RBMS1: variants seen among roughly 807,000 people sequenced by gnomAD.
RBMS1 encodes the protein RNA binding motif single stranded interacting protein 1, also known as RNA-binding motif, single-stranded-interacting protein 1.
In RBMS1, 17 loss-of-function variants were observed where a neutral mutation model predicts 62.3. The ratio of observed to expected loss-of-function variants is 0.27; its 90% CI spans 0.19 to 0.41. RBMS1 has a LOEUF of 0.41. RBMS1 is among the 10% of genes least tolerant of loss of function. RBMS1 has a pLI of 1.00. For missense variants in RBMS1, 334 were observed against 504.5 expected, an observed-to-expected ratio of 0.66 and a Z score of 3.24; for synonymous variants, 172 against 170.0, an observed-to-expected ratio of 1.01 and a Z score of -0.09.
intron 1 of RBMS1, among the ~76,000 whole-genome samples, chr2:160,420,344 C>T (rs1428925082): frequency 2.0e-5 from 3 of 152,194 alleles, no homozygotes; most frequent in Non-Finnish European, 4.4e-5. Flanking sequence ...AGCCAAACCA[C>T]ACTCATCCCT....
intron 6 of RBMS1, among the ~76,000 whole-genome samples, chr2:160,287,786 C>T (rs1021090935): frequency 2.6e-5 from 4 of 152,058 alleles, no homozygotes; most frequent in Non-Finnish European, 4.4e-5. Context: ...GTGAAGATGG[C>T]TGTTGTGAGA....
At chr2:160,350,190 G>C (rs911156317) in intron 2 of RBMS1, among the ~76,000 whole-genome samples, 3 of 151,922 alleles carry the variant, frequency 2.0e-5, no homozygotes, top group Non-Finnish European at 2.9e-5. Flanking sequence ...GTGTCAGTGT[G>C]GCAGCAGCAC....
chr2:160,455,099 A>C (rs1684163508), intron 1 of RBMS1, among the ~76,000 whole-genome samples: 1 of 152,178 alleles, frequency 6.6e-6, no homozygotes, highest in Non-Finnish European at 1.5e-5. Flanking sequence ...CATGCCATTA[A>C]ATGTTTAATC....
At chr2:160,377,160 T>C (rs934262225) in intron 1 of RBMS1, among the ~76,000 whole-genome samples, 3 of 152,170 alleles carry the variant, frequency 2.0e-5, no homozygotes, top group Admixed American at 2.0e-4. Context: ...CTCCATCCTA[T>C]ATACATAAAT....
At chr2:160,386,467 C>T (rs182410003) in intron 1 of RBMS1, among the ~76,000 whole-genome samples, 2 of 151,032 alleles carry the variant, frequency 1.3e-5, no homozygotes, top group African/African-American at 4.9e-5. Context: ...ACCCAGGAGG[C>T]GGAGGTTGCA....
intron 1 of RBMS1, among the ~76,000 whole-genome samples, chr2:160,454,655 A>G (rs1222534694): frequency 1.3e-5 from 2 of 152,200 alleles, no homozygotes; most frequent in Non-Finnish European, 2.9e-5. Context: ...CCTGGAACCC[A>G]GTGAAGAAGA....
chr2:160,478,299 C>A (rs1020098318), intron 1 of RBMS1, among the ~76,000 whole-genome samples: 1 of 152,180 alleles, frequency 6.6e-6, no homozygotes, highest in Non-Finnish European at 1.5e-5. Flanking sequence ...TTGAACCAAC[C>A]ACGGTGAAGG....
chr2:160,276,243 T>C (rs1687825182), intron 12 of RBMS1, among the ~76,000 whole-genome samples: 2 of 152,198 alleles, frequency 1.3e-5, no homozygotes, highest in Non-Finnish European at 2.9e-5. Flanking sequence ...ATTTTTATTT[T>C]CAGATTTCTT....
At chr2:160,345,414 G>A (rs537092095) in intron 2 of RBMS1, among the ~76,000 whole-genome samples, 10 of 151,832 alleles carry the variant, frequency 6.6e-5, no homozygotes, top group South Asian at 2.1e-4. Context: ...ACCTGAAACC[G>A]CCCACACCTG....
chr2:160,311,209 A>AAATCTATCTATCTATCTATCT (rs1553505365), intron 4 of RBMS1, among the ~76,000 whole-genome samples: 2 of 57,732 alleles, frequency 3.5e-5, no homozygotes, highest in Non-Finnish European at 7.8e-5. Context: ...AAAAAAAAAA[A>AAATCTATCTATCTATCTATCT]ATCTATCTAT....
chr2:160,346,539 T>C (rs960575517), intron 2 of RBMS1, among the ~76,000 whole-genome samples: 1 of 152,184 alleles, frequency 6.6e-6, no homozygotes, highest in Non-Finnish European at 1.5e-5. Flanking sequence ...TGAGTTCTCA[T>C]GTTGTAAAAC....
At chr2:160,336,056 T>C (rs994367733) in intron 2 of RBMS1, among the ~76,000 whole-genome samples, 4 of 152,160 alleles carry the variant, frequency 2.6e-5, no homozygotes, top group Non-Finnish European at 5.9e-5. Context: ...TTTAGGTGTG[T>C]TCCCTTTTCT....
chr2:160,277,311 G>C lies in RBMS1; in HGVS notation c.1135C>G (p.Pro379Ala), dbSNP rs770631869. ...GGATGGTCTCTACCAACCTCAACAG[G>C]AACCGCTGTCGTCTGCATATGTGCA... ...QYAHMQTTAV[P>A]VEEASGQQQV... is the part of the protein sequence containing the mutation. The change falls in exon 12 of 14, where the codon CCT (proline) becomes GCT (alanine). Residue 379 changes from proline to alanine, a missense_variant. Around this residue, in one of 3 missense-constraint regions of RBMS1, gnomAD observed 182 missense variants for 257.7 expected, o/e 0.71. Transcript: ENST00000348849. 6.2e-7 allele frequency: 1 copy of C among 1,610,976 alleles called. No homozygotes were observed. Among genetic ancestry groups the C allele is most frequent in the East Asian group, 2.2e-5 (1 of 44,820 alleles).
chr2:160,329,430 C>A (rs368250155), intron 2 of RBMS1, among the ~76,000 whole-genome samples: 1 of 152,056 alleles, frequency 6.6e-6, no homozygotes, highest in Non-Finnish European at 1.5e-5. Flanking sequence ...CATAGCCCCC[C>A]GTATTGATTT....
intron 1 of RBMS1, among the ~76,000 whole-genome samples, chr2:160,453,369 T>C (rs1684078053): frequency 6.6e-6 from 1 of 152,164 alleles, no homozygotes; most frequent in African/African-American, 2.4e-5. Flanking sequence ...ATCCTTACCA[T>C]CGTAAAAGCA....
chr2:160,311,370 C>T (rs1220840486), intron 4 of RBMS1, among the ~76,000 whole-genome samples: 1 of 151,372 alleles, frequency 6.6e-6, no homozygotes, highest in Non-Finnish European at 1.5e-5. Context: ...AAAGGTGATT[C>T]CTCTTACTAA....
chr2:160,443,211 C>CAAAAAAAAAAAAAAAA (rs67505228), intron 1 of RBMS1, among the ~76,000 whole-genome samples: 1 of 133,252 alleles, frequency 7.5e-6, no homozygotes, highest in Non-Finnish European at 1.6e-5. Flanking sequence ...CTTAAGAAAA[C>CAAAAAAAAAAAAAAAA]AAAAAAAAAA....
At chr2:160,370,265 G>A (rs988434082) in intron 1 of RBMS1, among the ~76,000 whole-genome samples, 3 of 152,246 alleles carry the variant, frequency 2.0e-5, no homozygotes, top group East Asian at 1.9e-4. Flanking sequence ...AGAGAGAAGC[G>A]TTGAATTATT....
At chr2:160,329,057 C>T (rs1691108889) in intron 2 of RBMS1, among the ~76,000 whole-genome samples, 4 of 152,160 alleles carry the variant, frequency 2.6e-5, no homozygotes, top group Admixed American at 2.0e-4. Context: ...TCAAATTGGA[C>T]ATTTCTTCGA....
Sources: allele counts gnomAD v4.1 joint callset (sites outside exome capture counted in the v4.1 genomes callset), GRCh38; gene constraint gnomAD v4.1.1; regional missense constraint gnomAD v4.1.1; transcripts MANE v1.5; gene names NCBI Gene and HGNC (gene_info 2026-07-23, HGNC 2026-07-21).